The following MBNL1 variants were observed in gnomAD, a reference collection of about 807,000 sequenced individuals.
The protein encoded by MBNL1 is muscleblind like splicing regulator 1.
MBNL1 carries 8 observed loss-of-function variants against 42.2 expected under a neutral mutation model. That is an observed-to-expected ratio of 0.19 (90% confidence interval 0.11 to 0.34). MBNL1 has a LOEUF of 0.34. MBNL1 is among the 10% of genes least tolerant of loss of function. The probability of loss-of-function intolerance (pLI) is 1.00; values close to 1 mark genes in which losing one functional copy is unlikely to be tolerated. For synonymous variants in MBNL1, 169 were observed against 173.9 expected (o/e 0.97, Z 0.22); for missense variants, 309 against 495.3 (o/e 0.62, Z 3.57).
intron 2 of MBNL1, among the ~76,000 whole-genome samples, chr3:152,310,780 A>G (rs1210886040): frequency 2.0e-5 from 3 of 152,042 alleles, no homozygotes; most frequent in African/African-American, 7.2e-5. Context: ...CATGCCGCAG[A>G]CAGGATGAAC....
At chr3:152,354,660 G>A (rs976271012) in intron 2 of MBNL1, among the ~76,000 whole-genome samples, 41 of 150,370 alleles carry the variant, frequency 2.7e-4, no homozygotes, top group African/African-American at 9.8e-4. Context: ...AAAAAAAACT[G>A]CCCTGAAGCC....
intron 4 of MBNL1, among the ~76,000 whole-genome samples, chr3:152,441,999 G>A (rs2099151724): frequency 6.6e-6 from 1 of 152,002 alleles, no homozygotes; most frequent in Non-Finnish European, 1.5e-5. Context: ...CACCATGTTG[G>A]CCAGGCTGGT....
intron 1 of MBNL1, among the ~76,000 whole-genome samples, chr3:152,272,676 G>A (rs2042592364): frequency 6.6e-6 from 1 of 152,102 alleles, no homozygotes; most frequent in Non-Finnish European, 1.5e-5. Flanking sequence ...GGAGGGTATT[G>A]TTTTGAATAT....
At chr3:152,388,776 G>A (rs775190957) in intron 2 of MBNL1, among the ~76,000 whole-genome samples, 37 of 152,298 alleles carry the variant, frequency 2.4e-4, no homozygotes, top group Admixed American at 1.0e-3. Flanking sequence ...TAGGTATCTG[G>A]CAGCACATCT....
chr3:152,331,018 CTT>C (rs1238500071), intron 2 of MBNL1, among the ~76,000 whole-genome samples: 1 of 152,066 alleles, frequency 6.6e-6, no homozygotes, highest in Non-Finnish European at 1.5e-5. Flanking sequence ...GCTGAGGTAA[CTT>C]TTGCAGAAAG....
intron 4 of MBNL1, among the ~76,000 whole-genome samples, chr3:152,436,317 G>A (rs1164114841): frequency 6.6e-6 from 1 of 152,146 alleles, no homozygotes; most frequent in African/African-American, 2.4e-5. Flanking sequence ...CTTTTACAGG[G>A]AAATGATTTT....
intron 2 of MBNL1, among the ~76,000 whole-genome samples, chr3:152,259,037 C>G (rs1326775535): frequency 6.6e-6 from 1 of 152,314 alleles, no homozygotes; most frequent in Middle Eastern, 3.4e-3. Flanking sequence ...AGGGGAAAAA[C>G]TGTCCTGGCT....
intron 8 of MBNL1, among the ~76,000 whole-genome samples, chr3:152,456,594 G>A (rs1348859994): frequency 3.3e-5 from 5 of 152,138 alleles, no homozygotes; most frequent in Non-Finnish European, 5.9e-5. Context: ...CTCCAAAGTC[G>A]TCGCAGCTCC....
intron 1 of MBNL1, among the ~76,000 whole-genome samples, chr3:152,273,544 G>A (rs1299495442): frequency 6.6e-6 from 1 of 152,090 alleles, no homozygotes; most frequent in Non-Finnish European, 1.5e-5. Flanking sequence ...TGTGTTAGGA[G>A]AATTAAGTCT....
At chr3:152,354,573 C>A (rs1219156219) in intron 2 of MBNL1, among the ~76,000 whole-genome samples, 1 of 151,714 alleles carries the variant, frequency 6.6e-6, no homozygotes, top group African/African-American at 2.4e-5. Flanking sequence ...AATAATAAAG[C>A]AATTTGCTTT....
At chr3:152,404,152 C>G (rs997476910) in intron 2 of MBNL1, among the ~76,000 whole-genome samples, 1 of 151,774 alleles carries the variant, frequency 6.6e-6, no homozygotes, top group Non-Finnish European at 1.5e-5. Flanking sequence ...AAAGGAGTGC[C>G]AATGAAAAAT....
At chr3:152,443,509 A>ACACACACACACAC (rs1560616953) in intron 4 of MBNL1, among the ~76,000 whole-genome samples, 21 of 38,030 alleles carry the variant, frequency 5.5e-4, no homozygotes, top group African/African-American at 2.5e-3. Context: ...CACACACACA[A>ACACACACACACAC]CTTTTTATCA....
chr3:152,300,510 CT>C, intron 2 of MBNL1, 143 bp downstream of exon 2: 1 of 612,404 alleles, frequency 1.6e-6, no homozygotes, highest in Non-Finnish European at 2.5e-6. Flanking sequence ...GGCTGGGGAA[CT>C]TTACGAGAAG....
intron 1 of MBNL1, among the ~76,000 whole-genome samples, chr3:152,277,609 C>T (rs2046015743): frequency 6.6e-6 from 1 of 152,064 alleles, no homozygotes; most frequent in South Asian, 2.1e-4. Flanking sequence ...TAATGGTTAT[C>T]TGGAGTAGGA....
intron 1 of MBNL1, among the ~76,000 whole-genome samples, chr3:152,287,001 C>T (rs939603027): frequency 7.2e-5 from 11 of 151,984 alleles, no homozygotes; most frequent in Non-Finnish European, 1.3e-4. Flanking sequence ...GGGTGGCTCA[C>T]GAGGTCAGGA....
intron 3 of MBNL1, among the ~76,000 whole-genome samples, chr3:152,431,849 A>T (rs1445782783): frequency 3.3e-5 from 5 of 152,220 alleles, no homozygotes; most frequent in Non-Finnish European, 7.3e-5. Context: ...TTTCAGGTAA[A>T]TTAATGCTAT....
At chr3:152,330,357 C>T (rs2083491844) in intron 2 of MBNL1, among the ~76,000 whole-genome samples, 1 of 152,140 alleles carries the variant, frequency 6.6e-6, no homozygotes, top group Non-Finnish European at 1.5e-5. Flanking sequence ...GTCTCAGCCT[C>T]CCAAAGTCCT....
At chr3:152,452,791 A>G (rs1285873007) in intron 6 of MBNL1, among the ~76,000 whole-genome samples, 1 of 152,100 alleles carries the variant, frequency 6.6e-6, no homozygotes, top group Non-Finnish European at 1.5e-5. Context: ...TCTCTAGCAT[A>G]TCTCCCTCAA....
intron 3 of MBNL1, among the ~76,000 whole-genome samples, chr3:152,415,619 C>T (rs1231300626): frequency 1.3e-5 from 2 of 152,088 alleles, no homozygotes; most frequent in Non-Finnish European, 2.9e-5. Context: ...GCTACAAATG[C>T]TAGGAAAATT....
Sources: gnomAD v4.1 joint callset for allele counts (sites outside exome capture counted in the v4.1 genomes callset) on GRCh38, gnomAD v4.1.1 for gene constraint, MANE v1.5 for transcripts, NCBI Gene and HGNC (gene_info 2026-07-23, HGNC 2026-07-21) for gene names.